Variants in ZC3H12A observed in about 807,000 individuals in gnomAD.
The protein encoded by ZC3H12A is zinc finger CCCH-type containing 12A.
Under a neutral mutation model 29.9 loss-of-function variants are expected in ZC3H12A, and 9 were observed. That is an observed-to-expected ratio of 0.30 (90% CI 0.18 to 0.53). The LOEUF (loss-of-function observed/expected upper bound fraction) is 0.53, where lower values mean the gene tolerates loss of function less well. Ranked by LOEUF, ZC3H12A falls within the 20% of genes least tolerant of loss-of-function variation. The pLI is 0.96. For missense variants in ZC3H12A, 617 were observed against 799.0 expected, an observed-to-expected ratio of 0.77 and a Z score of 2.75; for synonymous variants, 323 against 338.1, an observed-to-expected ratio of 0.96 and a Z score of 0.49.
chr1:37,478,454 C>T lies in ZC3H12A; in HGVS notation c.444-1836C>T, dbSNP rs1228986142. Among the ~76,000 whole-genome samples, 1 of 152,220 alleles carries T rather than the reference C, an allele frequency of 6.6e-6. No homozygotes were observed. Among genetic ancestry groups the T allele is most frequent in the African/African-American group, 2.4e-5 (1 of 41,454 alleles). ...GCCCAGACCTGGGTTCGAGTTCTGA[C>T]TGTCTCTTACCACTAGCCAGGTGAC... On this transcript the variant is annotated intron_variant, in intron 2 of 5. Coordinates refer to ENST00000373087, the MANE Select transcript of ZC3H12A (RefSeq NM_025079.3). This position sits in a 1 kb window ranked among gnomAD's most constrained non-coding sequence, Gnocchi z 5.2.
chr1:37,475,866 C>A lies in ZC3H12A; in HGVS notation c.370C>A (p.Pro124Thr). Residue 124 changes from proline (P) to threonine (T), a missense_variant, in exon 2 of 6, where the codon CCA (proline) becomes ACA (threonine). By Grantham distance (38) the Pro-to-Thr change is conservative (BLOSUM62 -1). Transcript: ENST00000373087. The surrounding 1 kb of genome is among the most constrained non-coding windows in gnomAD (Gnocchi z 5.2). ...CCCTAAGGCTCCCAACCTGGAGCCT[C>A]CACTCCCAGAAGAGGAAAAGGAGGG... ...GTPKAPNLEP[P>T]LPEEEKEGSD... is the part of the protein sequence containing the mutation. 6.4e-7 allele frequency: 1 copy of A among 1,567,724 alleles called. No homozygotes were observed. The highest frequency in any genetic ancestry group is 1.4e-5 in the African/African-American group (1 of 73,558).
Position 37,475,757 on chromosome 1 carries a change from A to T in ZC3H12A, c.261A>T (p.Lys87Asn). 1 of 1,613,644 alleles carries T rather than the reference A, an allele frequency of 6.2e-7. No individual in the cohort carries two copies. The highest frequency in any genetic ancestry group is 8.5e-7 in the Non-Finnish European group (1 of 1,179,960). ...DTNTVLGELVKHGTATERERQ... is the reference protein window; with the variant it reads ...DTNTVLGELVNHGTATERERQ... The stretch of plus-strand genomic sequence containing the variant: ...ACACGGTGCTGGGTGAGCTGGTGAA[A>T]CACGGGACAGCCACCGAGCGGGAGC... The change falls in exon 2 of 6, where the codon AAA (lysine) becomes AAT (asparagine). Residue 87 changes from lysine (K) to asparagine (N), a missense_variant. Around this residue, in one of 5 missense-constraint regions of ZC3H12A, gnomAD observed 255 missense variants for 402.5 expected, o/e 0.63. Transcript: ENST00000373087. This position sits in a 1 kb window ranked among gnomAD's most constrained non-coding sequence, Gnocchi z 5.2.
chr1:37,480,106 G>A (rs529414729), intron 2 of ZC3H12A, 184 bp from the exon 3 acceptor site: 21 of 1,318,326 alleles, frequency 1.6e-5, no homozygotes, highest in Admixed American at 1.6e-4. Flanking sequence ...CACCTGCAGA[G>A]GGCCAGGGCC....
chr1:37,482,708 C>T, intron 5 of ZC3H12A, 29 bp from the exon 6 acceptor site: 1 of 1,612,946 alleles, frequency 6.2e-7, no homozygotes, highest in Non-Finnish European at 8.5e-7. Context: ...AGTGCCCCTG[C>T]TTAGAGTCCC....
intron 3 of ZC3H12A, among the ~76,000 whole-genome samples, chr1:37,480,997 T>C (rs765384422): frequency 1.1e-4 from 17 of 152,144 alleles, no homozygotes; most frequent in Admixed American, 7.2e-4. Flanking sequence ...CCCCCAGCCT[T>C]TGGAGGTAAA....
rs190212021 is a variant in ZC3H12A at position 37,478,494 on chromosome 1, C to A, written c.444-1796C>A. ...AGCCAGGTGACCTTCCTTTCCTTCA[C>A]GGTAGCAAGCCCTATAAGAATGAAG... On this transcript the variant is annotated intron_variant, in intron 2 of 5. Coordinates refer to ENST00000373087, the MANE Select transcript of ZC3H12A (RefSeq NM_025079.3). This position sits in a 1 kb window ranked among gnomAD's most constrained non-coding sequence, Gnocchi z 5.2. 1.3e-5 allele frequency among the ~76,000 whole-genome samples: 2 copies of A among 152,186 alleles called. No homozygotes were observed. The highest frequency in any genetic ancestry group is 4.8e-5 in the African/African-American group (2 of 41,428).
chr1:37,482,153 A>G (rs1641721101), intron 4 of ZC3H12A, among the ~76,000 whole-genome samples: 1 of 152,176 alleles, frequency 6.6e-6, no homozygotes, highest in Non-Finnish European at 1.5e-5. Flanking sequence ...TCTCGAGCAG[A>G]GGCCATGGGC....
chr1:37,483,466 A>G lies in ZC3H12A; in HGVS notation c.1655A>G (p.Glu552Gly), dbSNP rs774936477. 8 of 1,613,850 alleles carry G rather than the reference A, an allele frequency of 5.0e-6. No individual in the cohort carries two copies. Among genetic ancestry groups the G allele is most frequent in the Non-Finnish European group, 6.8e-6 (8 of 1,179,936 alleles). Residue 552 changes from glutamate (E) to glycine (G), a missense_variant, in exon 6 of 6, where the codon GAG (glutamate) becomes GGG (glycine). Physicochemically the swap from Glu to Gly is moderately conservative, Grantham distance 98. Around this residue, in one of 5 missense-constraint regions of ZC3H12A, gnomAD observed 172 missense variants for 203.1 expected, o/e 0.85. Transcript: ENST00000373087. ...PWGRAGSLAK[E>G]QASVYTKLCG... ...GGCAGGGCAGGCAGCCTGGCCAAGG[A>G]GCAGGCCAGCGTGTATACTAAGCTG...
At chr1:37,480,515 C>A in intron 3 of ZC3H12A, 86 bp downstream of exon 3, 1 of 1,486,962 alleles carries the variant, frequency 6.7e-7, no homozygotes. Flanking sequence ...GAGTGACCTA[C>A]AACTTCTAGA....
intron 3 of ZC3H12A, 127 bp downstream of exon 3, chr1:37,480,556 A>C: frequency 8.0e-5 from 105 of 1,315,122 alleles, no homozygotes; most frequent in Non-Finnish European, 9.4e-5. Flanking sequence ...TTCTTTTCTC[A>C]GTTTTTTCTG....
intron 2 of ZC3H12A, among the ~76,000 whole-genome samples, chr1:37,477,921 T>TC (rs1482964921): frequency 6.6e-6 from 1 of 152,134 alleles, no homozygotes; most frequent in Non-Finnish European, 1.5e-5. Context: ...ATTCAGGTGC[T>TC]AGGGCTGCTG....
At chr1:37,481,473 T>C (rs1440642982) in intron 3 of ZC3H12A, 128 bp from the exon 4 acceptor site, 1 of 823,518 alleles carries the variant, frequency 1.2e-6, no homozygotes, top group African/African-American at 1.8e-5. Flanking sequence ...CTCAGCAGAG[T>C]TAGTTCTTGC....
At position 37,479,930 on chromosome 1, in the gene ZC3H12A, G is replaced by T; in HGVS notation, c.444-360G>T. 1 of 1,035,470 alleles carries T rather than the reference G, an allele frequency of 9.7e-7. No homozygotes were observed. Among genetic ancestry groups the T allele is most frequent in the Non-Finnish European group, 1.2e-6 (1 of 860,200 alleles). The allele number at this position is 1,035,470 out of a possible 1,614,324, so 64.1% of individuals were successfully genotyped here. ...GCACCTTTCCCCCACCCCCAGGTGTGTTGCAAGTGGCCTGGCCCTCCCCCA... is the reference window on the plus strand; with the variant it reads ...GCACCTTTCCCCCACCCCCAGGTGTTTTGCAAGTGGCCTGGCCCTCCCCCA... On this transcript the variant is annotated intron_variant, in intron 2 of 5. Transcript: ENST00000373087. The surrounding 1 kb of genome is among the most constrained non-coding windows in gnomAD (Gnocchi z 4.5).
In ZC3H12A at chr1:37,481,710, G is replaced by A; in HGVS notation, c.693G>A (p.Lys231=). 2 of 1,614,256 alleles carry A rather than the reference G, an allele frequency of 1.2e-6. No individual in the cohort carries two copies. The highest frequency in any genetic ancestry group is 2.2e-5 in the South Asian group (2 of 91,090). ...VVCYDDRFIV[K]LAYESDGIVV... is the part of the protein sequence containing the mutation. ...GCTATGACGACAGATTCATTGTGAA[G>A]CTGGCCTACGAGTCTGACGGGATCG... The change falls in exon 4 of 6, where the codon AAG becomes AAA. Residue 231 remains lysine, a synonymous_variant. Transcript: ENST00000373087.
chr1:37,482,566 G>A (rs529804305), intron 5 of ZC3H12A, 26 bp downstream of exon 5: 21 of 1,612,570 alleles, frequency 1.3e-5, no homozygotes, highest in South Asian at 6.6e-5. Flanking sequence ...TGCCCTCCCC[G>A]GCCCTCCTCA....
rs371562449 is a variant in ZC3H12A at position 37,481,635 on chromosome 1, G to A, written c.618G>A (p.Lys206=). The A allele has an allele frequency of 3.7e-6, 6 of 1,614,252 alleles. No individual in the cohort carries two copies. The highest frequency in any genetic ancestry group is 5.1e-6 in the Non-Finnish European group (6 of 1,180,038). Residue 206 remains lysine (K), a synonymous_variant, in exon 4 of 6, where the codon AAG becomes AAA. Transcript: ENST00000373087. Reference sequence around the variant, plus strand: ...TCCTGCGGGAACTGGAGAAGAAGAAGATCCTGGTGTTCACACCATCACGAC... The same window carrying A: ...TCCTGCGGGAACTGGAGAAGAAGAAAATCCTGGTGTTCACACCATCACGAC... ...QHILRELEKK[K]ILVFTPSRRV...
intron 2 of ZC3H12A, among the ~76,000 whole-genome samples, chr1:37,477,488 C>A (rs12408993): frequency 5.9e-5 from 9 of 152,254 alleles, no homozygotes; most frequent in African/African-American, 1.2e-4. Flanking sequence ...CGGCCACCCC[C>A]CCTCCCCAGG....
chr1:37,482,722 T>C lies in ZC3H12A; in HGVS notation c.926-15T>C, dbSNP rs1641735628. ...AAGTGCCCCTGCTTAGAGTCCCTCT[T>C]GATTCCTCTTCCAGGAAGGAAATGC... On this transcript the variant is annotated splice_polypyrimidine_tract_variant and intron_variant, in intron 5 of 5. Coordinates refer to ENST00000373087, the MANE Select transcript of ZC3H12A (RefSeq NM_025079.3). 2 of 1,613,396 alleles carry C rather than the reference T, an allele frequency of 1.2e-6. No homozygotes were observed. Among genetic ancestry groups the C allele is most frequent in the African/African-American group, 2.7e-5 (2 of 74,912 alleles).
Position 37,483,736 on chromosome 1 carries a change from C to G in ZC3H12A, c.*125C>G, listed in dbSNP as rs1300645514. 9.2e-6 allele frequency: 12 copies of G among 1,300,970 alleles called. No individual in the cohort carries two copies. Among genetic ancestry groups the G allele is most frequent in the Non-Finnish European group, 1.2e-5 (12 of 973,274 alleles). The allele number at this position is 1,300,970 out of a possible 1,614,324, so 80.6% of individuals were successfully genotyped here. On this transcript the variant is annotated 3_prime_UTR_variant, in exon 6 of 6. Transcript: ENST00000373087. ...CCAGAGGCTGGACAGAGGGAGGATTCAAGTCGGGAAGGAAACCCACAAACC... is the reference window on the plus strand; with the variant it reads ...CCAGAGGCTGGACAGAGGGAGGATTGAAGTCGGGAAGGAAACCCACAAACC...
Sources: gnomAD v4.1 joint callset for allele counts (sites outside exome capture counted in the v4.1 genomes callset) on GRCh38, gnomAD v4.1.1 for gene constraint, gnomAD v4.1.1 regional missense constraint, Gnocchi (gnomAD v3.1) non-coding constraint, MANE v1.5 for transcripts, NCBI Gene and HGNC (gene_info 2026-07-23, HGNC 2026-07-21) for gene names.